TMEM41B: variants seen among roughly 807,000 people sequenced by gnomAD.
The protein encoded by TMEM41B is protein stasimon.
TMEM41B carries 18 observed loss-of-function variants against 31.9 expected under a neutral mutation model. The observed-to-expected ratio is 0.56, with a 90% CI of 0.39 to 0.84. The LOEUF (loss-of-function observed/expected upper bound fraction) is 0.84, where lower values mean the gene tolerates loss of function less well. Ranked by LOEUF, TMEM41B falls within the 40% of genes least tolerant of loss-of-function variation. The probability of loss-of-function intolerance (pLI) is 0.00; values close to 1 mark genes in which losing one functional copy is unlikely to be tolerated. For missense variants in TMEM41B, 322 were observed against 348.0 expected (o/e 0.93, Z 0.59); for synonymous variants, 144 against 124.3 (o/e 1.16, Z -1.05).
intron 1 of TMEM41B, among the ~76,000 whole-genome samples, chr11:9,310,304 G>T (rs1028254464): frequency 6.6e-6 from 1 of 151,818 alleles, no homozygotes; most frequent in African/African-American, 2.4e-5. Context: ...AAAGTGCTGG[G>T]ATTACAGGCA....
intron 2 of TMEM41B, 116 bp downstream of exon 2, chr11:9,299,468 C>T: frequency 1.4e-6 from 1 of 691,460 alleles, no homozygotes; most frequent in South Asian, 1.9e-5. Flanking sequence ...ACCAATCCAC[C>T]CACCTCGGCC....
intron 2 of TMEM41B, among the ~76,000 whole-genome samples, chr11:9,296,878 T>C (rs1853103319): frequency 6.6e-6 from 1 of 152,226 alleles, no homozygotes; most frequent in Non-Finnish European, 1.5e-5. Context: ...AAGCCTCGAA[T>C]AATCACCTTT....
At chr11:9,288,115 ACC>A in intron 4 of TMEM41B, 1 of 298,034 alleles carries the variant, frequency 3.4e-6, no homozygotes, top group Non-Finnish European at 6.1e-6. Flanking sequence ...CCTACCCCCG[ACC>A]CCCCCAGTTC....
At chr11:9,286,196 A>AGTTATAG (rs5789598) in intron 6 of TMEM41B, among the ~76,000 whole-genome samples, 147,679 of 152,116 alleles carry the variant, frequency 0.97, 71,824 homozygotes, top group South Asian at 1. Flanking sequence ...AGGGACTGGA[A>AGTTATAG]GTCCTGCTTA....
rs1852842998 is a variant in TMEM41B, at chr11:9,286,603, GAAAGA to G, written c.568-15_568-11del. 3.8e-6 allele frequency: 6 copies of G among 1,585,146 alleles called. No homozygotes were observed. The African/African-American group carries it at 6.8e-5, about 18-fold the overall frequency. ...CTCTATGACGTTCAACCTGTCATAAGAAAGAAAAGAATTAGCATCAGATGAGGACA... is the reference window on the plus strand; with the variant it reads ...CTCTATGACGTTCAACCTGTCATAAGAAAGAATTAGCATCAGATGAGGACA... On this transcript the variant is annotated splice_polypyrimidine_tract_variant and intron_variant, in intron 5 of 6. Transcript: ENST00000528080.
chr11:9,281,114 T>C lies in TMEM41B; in HGVS notation c.*2310A>G, dbSNP rs532991769. The C allele has an allele frequency of 6.6e-6, 1 of 152,234 alleles. No homozygotes were observed. The highest frequency in any genetic ancestry group is 2.1e-4 in the South Asian group (1 of 4,828). 9.4% of individuals were successfully genotyped at this position (152,234 alleles called of 1,614,324 possible). On this transcript the variant is annotated 3_prime_UTR_variant, in exon 7 of 7. Transcript: ENST00000528080. ...AAGGACAGTAAATATACTCTGAGAA[T>C]AGAGTAAGTACAATTTACACACGCT...
At chr11:9,306,611 G>A (rs948609185) in intron 1 of TMEM41B, among the ~76,000 whole-genome samples, 1 of 152,060 alleles carries the variant, frequency 6.6e-6, no homozygotes, top group Non-Finnish European at 1.5e-5. Flanking sequence ...GCATTAACCC[G>A]GGAGGCGGAG....
At chr11:9,285,192 C>T (rs1432846035) in intron 6 of TMEM41B, among the ~76,000 whole-genome samples, 3 of 149,354 alleles carry the variant, frequency 2.0e-5, no homozygotes, top group Non-Finnish European at 4.4e-5. Context: ...TCAAGTGATT[C>T]TCCTGCCTCA....
chr11:9,297,501 G>A (rs1853127155), intron 2 of TMEM41B, among the ~76,000 whole-genome samples: 1 of 152,066 alleles, frequency 6.6e-6, no homozygotes, highest in East Asian at 2.0e-4. Flanking sequence ...AGATCAGCCT[G>A]GGCAGCACAG....
intron 5 of TMEM41B, among the ~76,000 whole-genome samples, chr11:9,287,306 G>A (rs930338202): frequency 6.6e-6 from 1 of 151,972 alleles, no homozygotes; most frequent in African/African-American, 2.4e-5. Context: ...GTAAGACTCC[G>A]TCTCAAAAAA....
chr11:9,289,283 G>A (rs187095901), intron 3 of TMEM41B, among the ~76,000 whole-genome samples: 1 of 151,482 alleles, frequency 6.6e-6, no homozygotes, highest in East Asian at 1.9e-4. Flanking sequence ...AGATATGAGC[G>A]ACTACACCCG....
Position 9,295,304 on chromosome 11 carries a change from G to C in TMEM41B, c.323C>G (p.Thr108Ser). The change falls in exon 3 of 7, where the codon ACC (threonine) becomes AGC (serine). Residue 108 changes from threonine to serine, a missense_variant. Physicochemically the swap from Thr to Ser is moderately conservative, Grantham distance 58 (BLOSUM62 1). Transcript: ENST00000528080. ...LGKVLSKYKD[T>S]FYVQVLVAYF... ...AGCTACAAGTACTTGAACATAAAAG[G>C]TGTCCTTGTATTTGGATAAAACTTT... 6.3e-7 allele frequency: 1 copy of C among 1,591,444 alleles called. No individual in the cohort carries two copies. Among genetic ancestry groups the C allele is most frequent in the Non-Finnish European group, 8.6e-7 (1 of 1,164,540 alleles).
At chr11:9,285,062 C>T (rs995389048) in intron 6 of TMEM41B, among the ~76,000 whole-genome samples, 4 of 145,340 alleles carry the variant, frequency 2.8e-5, no homozygotes, top group East Asian at 2.0e-4. Flanking sequence ...ATTTTTTTTT[C>T]TTTTCTTTTC....
At chr11:9,292,836 A>G (rs1852989083) in intron 3 of TMEM41B, among the ~76,000 whole-genome samples, 1 of 151,944 alleles carries the variant, frequency 6.6e-6, no homozygotes. Context: ...GAACTGCCAT[A>G]CTATTTTCCA....
chr11:9,281,453 G>GA lies in TMEM41B; in HGVS notation c.*1970dup, dbSNP rs1347532223. The GA allele has an allele frequency of 2.0e-5, 3 of 152,122 alleles. No homozygotes were observed. The highest frequency in any genetic ancestry group is 4.4e-5 in the Non-Finnish European group (3 of 68,016). 9.4% of individuals were successfully genotyped at this position (152,122 alleles called of 1,614,324 possible). On this transcript the variant is annotated 3_prime_UTR_variant, in exon 7 of 7. Transcript: ENST00000528080. The stretch of plus-strand genomic sequence containing the variant: ...AAATCCATCTGTTAACACTGTGATA[G>GA]AAAAAATAATCAGTCCACATCATGT...
intron 1 of TMEM41B, chr11:9,311,541 C>T (rs1176366906): frequency 1.7e-5 from 21 of 1,268,872 alleles, no homozygotes; most frequent in African/African-American, 5.9e-5. Context: ...AGCTGAATTG[C>T]CTTGCGGAGC....
chr11:9,284,667 G>A (rs1852795681), intron 6 of TMEM41B, among the ~76,000 whole-genome samples: 1 of 151,910 alleles, frequency 6.6e-6, no homozygotes, highest in Non-Finnish European at 1.5e-5. Flanking sequence ...GGAGGCTGAG[G>A]CAAAAGAATC....
At chr11:9,286,061 G>T (rs1852830573) in intron 6 of TMEM41B, among the ~76,000 whole-genome samples, 1 of 152,150 alleles carries the variant, frequency 6.6e-6, no homozygotes, top group Non-Finnish European at 1.5e-5. Context: ...ATTGCAGTGA[G>T]CCGAGATCAT....
chr11:9,287,097 G>A (rs1308268872), intron 5 of TMEM41B, among the ~76,000 whole-genome samples: 1 of 151,888 alleles, frequency 6.6e-6, no homozygotes, highest in Admixed American at 6.6e-5. Context: ...CCTGAGGTCT[G>A]GAGTTCGAGA....
Sources: gnomAD v4.1 joint callset for allele counts (sites outside exome capture counted in the v4.1 genomes callset) on GRCh38, gnomAD v4.1.1 for gene constraint, MANE v1.5 for transcripts, NCBI Gene and HGNC (gene_info 2026-07-23, HGNC 2026-07-21) for gene names.